CBFA2T3: variants seen among roughly 807,000 people sequenced by gnomAD.
The protein encoded by CBFA2T3 is CBFA2/RUNX1 partner transcriptional co-repressor 3, also known as transcriptional corepressor CBFA2T3.
In CBFA2T3, 31 loss-of-function variants were observed where a neutral mutation model predicts 58.6. The observed-to-expected ratio is 0.53, with a 90% CI of 0.40 to 0.71. The LOEUF is 0.71. Ranked by LOEUF, CBFA2T3 falls within the 30% of genes least tolerant of loss-of-function variation. The probability of loss-of-function intolerance (pLI) is 0.00; values close to 1 mark genes in which losing one functional copy is unlikely to be tolerated. For missense variants in CBFA2T3, 1,076 were observed against 963.1 expected, an observed-to-expected ratio of 1.12 and a Z score of -1.55; for synonymous variants, 531 against 421.9, an observed-to-expected ratio of 1.26 and a Z score of -3.17.
At chr16:88,941,047 G>C (rs1014187174) in intron 1 of CBFA2T3, 367 of 985,658 alleles carry the variant, frequency 3.7e-4, no homozygotes, top group Admixed American at 5.5e-4. Context: ...GATCCGGCGG[G>C]CGGCGGACGG....
intron 1 of CBFA2T3, among the ~76,000 whole-genome samples, chr16:88,944,336 CAA>C (rs767482759): frequency 1.1e-3 from 47 of 42,304 alleles, no homozygotes; most frequent in Middle Eastern, 0.013. Flanking sequence ...GACTCCATCT[CAA>C]AAAAAAAAAA....
intron 3 of CBFA2T3, among the ~76,000 whole-genome samples, chr16:88,894,036 G>GCTGGCTCCCGC (rs1156682542): frequency 6.6e-6 from 1 of 152,146 alleles, no homozygotes; most frequent in African/African-American, 2.4e-5. Flanking sequence ...CACACTCACG[G>GCTGGCTCCCGC]CTGGCTCCCG....
At chr16:88,896,532 C>A (rs563361753) in intron 3 of CBFA2T3, among the ~76,000 whole-genome samples, 1 of 152,188 alleles carries the variant, frequency 6.6e-6, no homozygotes, top group South Asian at 2.1e-4. Context: ...AGGACCCCAC[C>A]GCGCTGCCGA....
At chr16:88,892,552 CAGTG>C (rs1969685478) in intron 3 of CBFA2T3, 67 bp from the exon 4 acceptor site, 1 of 1,572,426 alleles carries the variant, frequency 6.4e-7, no homozygotes, top group Admixed American at 1.7e-5. Flanking sequence ...ACGGCGGCGA[CAGTG>C]AGGGAAGCAG....
At chr16:88,908,079 C>G (rs1232963422) in intron 1 of CBFA2T3, among the ~76,000 whole-genome samples, 1 of 152,228 alleles carries the variant, frequency 6.6e-6, no homozygotes, top group Non-Finnish European at 1.5e-5. Context: ...TGGTGACTCA[C>G]ACCTGTCATC....
intron 8 of CBFA2T3, among the ~76,000 whole-genome samples, chr16:88,882,014 T>C (rs1275535607): frequency 6.6e-6 from 1 of 152,128 alleles, no homozygotes; most frequent in African/African-American, 2.4e-5. Flanking sequence ...CAGGATAGAC[T>C]CTGGGAAGAG....
rs149681190 is a variant in CBFA2T3, at chr16:88,877,828, G to A, written c.1663-553C>T. On this transcript the variant is annotated intron_variant, in intron 11 of 11. Coordinates refer to ENST00000268679, the MANE Select transcript of CBFA2T3 (RefSeq NM_005187.6). Reference sequence around the variant, plus strand: ...CACAAAAAGCCTGTGGGCAGAGCAGGTAGGAGATGCCACACAAAGCCTGAG... The same window carrying A: ...CACAAAAAGCCTGTGGGCAGAGCAGATAGGAGATGCCACACAAAGCCTGAG... 1.2e-3 allele frequency among the ~76,000 whole-genome samples: 189 copies of A among 152,352 alleles called. 2 individuals are homozygous for A. The highest frequency in any genetic ancestry group is 4.1e-3 in the African/African-American group (170 of 41,582).
rs763783926 is a variant in CBFA2T3 at position 88,958,258 on chromosome 16, A to G, written c.151+18399T>C. Among the ~76,000 whole-genome samples the G allele has an allele frequency of 4.6e-5, 7 of 151,770 alleles. No homozygotes were observed. The highest frequency in any genetic ancestry group is 1.0e-4 in the Non-Finnish European group (7 of 67,732). ...TATGGCAGAAGAGCTTCGAGAGCCC[A>G]AAGCTCCCAGGGAAGCTTTGAGCTT... On this transcript the variant is annotated intron_variant, in intron 1 of 11. Coordinates refer to ENST00000268679, the MANE Select transcript of CBFA2T3 (RefSeq NM_005187.6). The surrounding 1 kb of genome is among the most constrained non-coding windows in gnomAD (Gnocchi z 4.0).
At chr16:88,879,561 C>A (rs1204673059) in intron 10 of CBFA2T3, 101 bp from the exon 11 acceptor site, 3 of 1,019,558 alleles carry the variant, frequency 2.9e-6, no homozygotes, top group Non-Finnish European at 4.5e-6. Context: ...GGGCTGTGTG[C>A]AGCTGAACAC....
At position 88,875,590 on chromosome 16, in the gene CBFA2T3, G is replaced by C. The variant is rs1054383140; in HGVS notation, c.*1386C>G. 6 of 233,746 alleles carry C rather than the reference G, an allele frequency of 2.6e-5. No homozygotes were observed. Among genetic ancestry groups the C allele is most frequent in the South Asian group, 1.8e-4 (1 of 5,660 alleles). 14.5% of individuals were successfully genotyped at this position (233,746 alleles called of 1,614,324 possible). On this transcript the variant is annotated 3_prime_UTR_variant, in exon 12 of 12. Transcript: ENST00000268679. ...CGATGGGGCCGAGAGGTTGGAGTTGGGGCGATGGGGCTGAGAGAGGTCGGA... is the reference window on the plus strand; with the variant it reads ...CGATGGGGCCGAGAGGTTGGAGTTGCGGCGATGGGGCTGAGAGAGGTCGGA...
intron 1 of CBFA2T3, among the ~76,000 whole-genome samples, chr16:88,941,573 C>A (rs1038329977): frequency 6.8e-6 from 1 of 147,404 alleles, no homozygotes; most frequent in African/African-American, 2.5e-5. Context: ...TGCGGAGCGC[C>A]GGGAGCAGGG....
chr16:88,905,206 A>G (rs558907476), intron 1 of CBFA2T3, among the ~76,000 whole-genome samples: 53 of 152,152 alleles, frequency 3.5e-4, no homozygotes, highest in Admixed American at 4.6e-4. Context: ...GGGCGGGCAC[A>G]TCGTCTCTCT....
chr16:88,962,660 C>A (rs1158466754), intron 1 of CBFA2T3, among the ~76,000 whole-genome samples: 11 of 152,236 alleles, frequency 7.2e-5, no homozygotes, highest in Non-Finnish European at 1.2e-4. Flanking sequence ...GGGGAGACAG[C>A]CACGTAGCCG....
intron 1 of CBFA2T3, among the ~76,000 whole-genome samples, chr16:88,967,085 A>G (rs748933600): frequency 2.6e-5 from 4 of 151,930 alleles, no homozygotes; most frequent in Non-Finnish European, 4.4e-5. Flanking sequence ...AGCTGAGAAC[A>G]GTGCGCTGGT....
intron 5 of CBFA2T3, 68 bp downstream of exon 5, chr16:88,891,814 G>A: frequency 1.8e-6 from 2 of 1,105,530 alleles, no homozygotes; most frequent in Non-Finnish European, 2.7e-6. Context: ...TGTCCACGCT[G>A]GCAAGGAGTG....
chr16:88,966,857 G>A lies in CBFA2T3; in HGVS notation c.151+9800C>T, dbSNP rs572104679. Among the ~76,000 whole-genome samples, 31 of 152,216 alleles carry A rather than the reference G, an allele frequency of 2.0e-4. 1 individual carries two copies. Among genetic ancestry groups the A allele is most frequent in the Admixed American group, 1.6e-3 (24 of 15,296 alleles). ...CACTGCTGCCCCTCAGAGACCAGGC[G>A]CTCATTTCCCCCAGGAAGCCGGGAT... is the stretch of plus-strand genomic sequence containing the variant. On this transcript the variant is annotated intron_variant, in intron 1 of 11. Coordinates refer to ENST00000268679, the MANE Select transcript of CBFA2T3 (RefSeq NM_005187.6).
intron 1 of CBFA2T3, among the ~76,000 whole-genome samples, chr16:88,929,524 C>T (rs1488077598): frequency 6.6e-6 from 1 of 152,238 alleles, no homozygotes. Context: ...TTCATCCACA[C>T]AAAAGCTACC....
In CBFA2T3 at chr16:88,912,908, A is replaced by C. The variant is rs548816682; in HGVS notation, c.152-11252T>G. ...ACACCTCCCGGGGGTGCGTCTGAGG[A>C]ATAAGGAGCTAATTGAGTCTGTCCT... On this transcript the variant is annotated intron_variant, in intron 1 of 11. Coordinates refer to ENST00000268679, the MANE Select transcript of CBFA2T3 (RefSeq NM_005187.6). 2.0e-5 allele frequency among the ~76,000 whole-genome samples: 3 copies of C among 152,292 alleles called. No individual in the cohort carries two copies. The South Asian group carries it at 6.2e-4, about 32-fold the overall frequency.
At chr16:88,916,973 C>T (rs1438365402) in intron 1 of CBFA2T3, among the ~76,000 whole-genome samples, 1 of 150,680 alleles carries the variant, frequency 6.6e-6, no homozygotes, top group Non-Finnish European at 1.5e-5. Flanking sequence ...GCTTAGGAGG[C>T]TGAGGCAGGA....
Sources: allele counts gnomAD v4.1 joint callset (sites outside exome capture counted in the v4.1 genomes callset), GRCh38; gene constraint gnomAD v4.1.1; non-coding constraint Gnocchi (gnomAD v3.1); transcripts MANE v1.5; gene names NCBI Gene and HGNC (gene_info 2026-07-23, HGNC 2026-07-21).